The following VPS37C variants were observed in gnomAD, a reference collection of about 807,000 sequenced individuals.
The protein encoded by VPS37C is vacuolar protein sorting-associated protein 37C.
In VPS37C, 9 loss-of-function variants were observed where a neutral mutation model predicts 16.1. That is an observed-to-expected ratio of 0.56 (90% CI 0.34 to 0.97). The LOEUF (loss-of-function observed/expected upper bound fraction) is 0.97. Among genes scored for constraint, VPS37C ranks in the 50% least tolerant of loss-of-function variants. The pLI, the probability that VPS37C is intolerant of heterozygous loss-of-function variation, is 0.02. For missense variants in VPS37C, 479 were observed against 472.7 expected, an observed-to-expected ratio of 1.01 and a Z score of -0.12; for synonymous variants, 207 against 206.4, an observed-to-expected ratio of 1.00 and a Z score of -0.02.
chr11:61,147,941 T>G (rs910576799), intron 1 of VPS37C, among the ~76,000 whole-genome samples: 23 of 152,346 alleles, frequency 1.5e-4, no homozygotes, highest in Middle Eastern at 3.4e-3. Flanking sequence ...TTTAACTGTG[T>G]GACCTTAATC....
chr11:61,157,240 T>G (rs1853391854), intron 1 of VPS37C, among the ~76,000 whole-genome samples: 1 of 152,260 alleles, frequency 6.6e-6, no homozygotes, highest in Non-Finnish European at 1.5e-5. Flanking sequence ...CTTTCCCTTA[T>G]TTTCGTATAT....
intron 1 of VPS37C, among the ~76,000 whole-genome samples, chr11:61,155,257 T>C (rs1488771962): frequency 1.3e-5 from 2 of 151,990 alleles, no homozygotes; most frequent in African/African-American, 4.8e-5. Context: ...GCTGATGCCG[T>C]AGGATCACTT....
At position 61,132,085 on chromosome 11, in the gene VPS37C, G is replaced by A. The variant is rs1256275270; in HGVS notation, c.803C>T (p.Pro268Leu). The change falls in exon 5 of 5, where the codon CCC becomes CTC. Residue 268 changes from proline (P) to leucine (L), a missense_variant. Pro to Leu is a moderately conservative substitution (Grantham distance 98, BLOSUM62 -3). Coordinates refer to ENST00000301765, the MANE Select transcript of VPS37C (RefSeq NM_017966.5). ...YSWSPQRSMP[P>L]RPGYPGTPMG... is the part of the protein sequence containing the mutation. ...TGGGGTCCCAGGATAGCCCGGCCGG[G>A]GTGGCATGCTCCTCTGTGGGGACCA... The A allele has an allele frequency of 2.1e-6, 3 of 1,400,544 alleles. No individual in the cohort carries two copies. The South Asian group carries it at 5.0e-5, about 23-fold the overall frequency. 86.8% of individuals were successfully genotyped at this position (1,400,544 alleles called of 1,614,324 possible).
chr11:61,148,971 G>T (rs1024647503), intron 1 of VPS37C, among the ~76,000 whole-genome samples: 1 of 152,206 alleles, frequency 6.6e-6, no homozygotes, highest in Non-Finnish European at 1.5e-5. Context: ...CACCCACCAG[G>T]GATAAATAGT....
chr11:61,147,855 T>C (rs1853240830), intron 1 of VPS37C, among the ~76,000 whole-genome samples: 1 of 152,214 alleles, frequency 6.6e-6, no homozygotes, highest in Non-Finnish European at 1.5e-5. Context: ...ATTGTGTGTC[T>C]GGACAGAATT....
intron 2 of VPS37C, among the ~76,000 whole-genome samples, chr11:61,134,858 G>A (rs1056375227): frequency 2.0e-5 from 3 of 152,314 alleles, no homozygotes; most frequent in East Asian, 3.9e-4. Flanking sequence ...CAAGCCAAGC[G>A]GCACTTTACC....
intron 1 of VPS37C, among the ~76,000 whole-genome samples, chr11:61,158,274 T>C (rs1345088284): frequency 6.6e-6 from 1 of 152,194 alleles, no homozygotes; most frequent in Non-Finnish European, 1.5e-5. Context: ...GAATCCACAA[T>C]TACAATCAGA....
In VPS37C at chr11:61,131,431, GGGCTGGA is replaced by G; in HGVS notation, c.*382_*388del. ...TGCCAAACCCCAGGGGAGATGGAGG[GGGCTGGA>G]GACCCGGGGCCTCCTCATAGAGATA... On this transcript the variant is annotated 3_prime_UTR_variant, in exon 5 of 5. Coordinates refer to ENST00000301765, the MANE Select transcript of VPS37C (RefSeq NM_017966.5). 5.6e-6 allele frequency: 1 copy of G among 178,764 alleles called. No homozygotes were observed. Among genetic ancestry groups the G allele is most frequent in the Admixed American group, 6.2e-5 (1 of 16,012 alleles). The allele number at this position is 178,764 out of a possible 1,614,324, so 11.1% of individuals were successfully genotyped here.
In VPS37C at chr11:61,132,542, G is replaced by A. The variant is rs1422490723; in HGVS notation, c.349-3C>T. The A allele has an allele frequency of 3.2e-6, 5 of 1,587,284 alleles. No individual in the cohort carries two copies. The South Asian group carries it at 4.6e-5, about 15-fold the overall frequency. On this transcript the variant is annotated splice_region_variant and splice_polypyrimidine_tract_variant and intron_variant, in intron 4 of 4. Transcript: ENST00000301765. ...TCCAGGAACTTCTCAGCCATGGCCT[G>A]GAAGACATAAGGTCCAGTGACAACA...
At chr11:61,139,413 T>G (rs914217084) in intron 1 of VPS37C, among the ~76,000 whole-genome samples, 1 of 150,226 alleles carries the variant, frequency 6.7e-6, no homozygotes, top group African/African-American at 2.5e-5. Context: ...GCCACCAAAA[T>G]GGACTGTCAT....
chr11:61,134,150 C>T lies in VPS37C; in HGVS notation c.151G>A (p.Glu51Lys), dbSNP rs763982357. The T allele has an allele frequency of 4.3e-6, 7 of 1,613,940 alleles. No homozygotes were observed. In the Admixed American group the frequency reaches 1.2e-4, roughly 27 times the overall value. Residue 51 changes from glutamate (E) to lysine (K), a missense_variant, in exon 3 of 5, where the codon GAG becomes AAG. Coordinates refer to ENST00000301765, the MANE Select transcript of VPS37C (RefSeq NM_017966.5). ...GGACCCTGGAACTCCAAGTTCCGCT[C>T]TGCCAGGCTCCGGTTGGTGGCCAGT... ...MALATNRSLAERNLEFQGPLE... is the reference protein window; with the variant it reads ...MALATNRSLAKRNLEFQGPLE...
At chr11:61,135,741 C>A (rs115585993) in intron 2 of VPS37C, among the ~76,000 whole-genome samples, 3,999 of 152,248 alleles carry the variant, frequency 0.026, 103 homozygotes, top group South Asian at 0.072. Flanking sequence ...TTTTATTAGC[C>A]ATGGAAACTT....
intron 2 of VPS37C, 125 bp downstream of exon 2, chr11:61,138,612 T>A: frequency 1.2e-6 from 1 of 831,738 alleles, no homozygotes; most frequent in Non-Finnish European, 1.9e-6. Flanking sequence ...CAAACCAGGA[T>A]GAAGTTCACA....
intron 1 of VPS37C, among the ~76,000 whole-genome samples, chr11:61,154,720 C>CA (rs1853352890): frequency 6.6e-6 from 1 of 152,022 alleles, no homozygotes; most frequent in African/African-American, 2.4e-5. Flanking sequence ...CCCACAAATC[C>CA]AAAAAACTCA....
At chr11:61,137,471 G>A (rs748665414) in intron 2 of VPS37C, among the ~76,000 whole-genome samples, 2 of 152,190 alleles carry the variant, frequency 1.3e-5, no homozygotes, top group Non-Finnish European at 2.9e-5. Context: ...GCTTTGTCAC[G>A]ATTCTGTCAG....
chr11:61,135,200 C>A (rs1042049929), intron 2 of VPS37C, among the ~76,000 whole-genome samples: 7 of 152,224 alleles, frequency 4.6e-5, no homozygotes, highest in African/African-American at 9.6e-5. Flanking sequence ...TCATGCCCCA[C>A]GAGACATAGG....
intron 1 of VPS37C, among the ~76,000 whole-genome samples, chr11:61,154,644 G>C (rs1446954614): frequency 2.0e-5 from 3 of 151,868 alleles, no homozygotes; most frequent in South Asian, 4.2e-4. Flanking sequence ...AAAGAGAAAA[G>C]GGAATAAAAA....
Position 61,132,548 on chromosome 11 carries a change from CAT to C in VPS37C, c.349-11_349-10del, listed in dbSNP as rs1171017194. 15 of 1,577,136 alleles carry C rather than the reference CAT, an allele frequency of 9.5e-6. No homozygotes were observed. Among genetic ancestry groups the C allele is most frequent in the Admixed American group, 3.5e-5 (2 of 56,458 alleles). On this transcript the variant is annotated splice_polypyrimidine_tract_variant and intron_variant, in intron 4 of 4. Transcript: ENST00000301765. Reference sequence around the variant, plus strand: ...AACTTCTCAGCCATGGCCTGGAAGACATAAGGTCCAGTGACAACAGGGGCAGC... The same window carrying C: ...AACTTCTCAGCCATGGCCTGGAAGACAAGGTCCAGTGACAACAGGGGCAGC...
At chr11:61,154,596 C>T (rs916238314) in intron 1 of VPS37C, among the ~76,000 whole-genome samples, 2 of 151,792 alleles carry the variant, frequency 1.3e-5, no homozygotes, top group African/African-American at 4.8e-5. Flanking sequence ...ACCTCTAGCA[C>T]CCTTACATAC....
Sources: allele counts gnomAD v4.1 joint callset (sites outside exome capture counted in the v4.1 genomes callset), GRCh38; gene constraint gnomAD v4.1.1; transcripts MANE v1.5; gene names NCBI Gene and HGNC (gene_info 2026-07-23, HGNC 2026-07-21).